BABAM2: variants seen among roughly 807,000 people sequenced by gnomAD.
BABAM2 encodes BRISC and BRCA1-A complex member 2.
In BABAM2, 31 loss-of-function variants were observed where a neutral mutation model predicts 54.7. The ratio of observed to expected loss-of-function variants is 0.57; its 90% CI spans 0.43 to 0.77. The LOEUF is 0.77. Ranked by LOEUF, BABAM2 falls within the 30% of genes least tolerant of loss-of-function variation. The pLI, the probability that BABAM2 is intolerant of heterozygous loss-of-function variation, is 0.00. For missense variants in BABAM2, 364 were observed against 455.8 expected (o/e 0.80, Z 1.83); for synonymous variants, 167 against 162.9 (o/e 1.03, Z -0.19).
At chr2:28,226,884 C>T (rs573199906) in intron 7 of BABAM2, among the ~76,000 whole-genome samples, 15 of 152,088 alleles carry the variant, frequency 9.9e-5, no homozygotes, top group African/African-American at 3.6e-4. Context: ...GGCCAATTGA[C>T]TATGGGGTGT....
At chr2:28,327,247 C>T in intron 11 of BABAM2, 1 of 1,582,510 alleles carries the variant, frequency 6.3e-7, no homozygotes, top group South Asian at 1.2e-5. Flanking sequence ...CCTCCCTTCT[C>T]CTCCTCCTTC....
At chr2:28,086,897 G>A (rs908680575) in intron 6 of BABAM2, among the ~76,000 whole-genome samples, 2 of 152,014 alleles carry the variant, frequency 1.3e-5, no homozygotes, top group South Asian at 4.1e-4. Context: ...TTCTAACTTA[G>A]GAAAAAAGAA....
chr2:27,889,910 G>T (rs1440307284), upstream of BABAM2: 2 of 243,764 alleles, frequency 8.2e-6, no homozygotes, highest in Admixed American at 1.1e-4. Flanking sequence ...AAATGACGTG[G>T]GCAAAGTTCC....
chr2:28,328,372 G>A (rs773694119), intron 11 of BABAM2, among the ~76,000 whole-genome samples: 3 of 152,164 alleles, frequency 2.0e-5, no homozygotes, highest in African/African-American at 4.8e-5. Flanking sequence ...ACTGGAAAAA[G>A]CAGTGAGCCT....
chr2:28,031,489 C>T (rs1036844467), intron 5 of BABAM2, among the ~76,000 whole-genome samples: 1 of 152,022 alleles, frequency 6.6e-6, no homozygotes, highest in African/African-American at 2.4e-5. Context: ...TAACAAGATG[C>T]ACTTTAGTAG....
At position 28,205,395 on chromosome 2, in the gene BABAM2, C is replaced by T. The variant is rs138459317; in HGVS notation, c.681-31807C>T. Among the ~76,000 whole-genome samples the T allele has an allele frequency of 7.9e-3, 1,202 of 151,412 alleles. 11 individuals are homozygous for T. The highest frequency in any genetic ancestry group is 0.027 in the African/African-American group (1,123 of 41,438). ...GCACGTGCCTGTGGTCCTAGCTACTCGGGAGGCTGAGGCAGAAGGATCACT... is the reference window on the plus strand; with the variant it reads ...GCACGTGCCTGTGGTCCTAGCTACTTGGGAGGCTGAGGCAGAAGGATCACT... On this transcript the variant is annotated intron_variant, in intron 7 of 11. Coordinates refer to ENST00000379624, the MANE Select transcript of BABAM2 (RefSeq NM_199191.3).
At chr2:28,013,113 G>T (rs1674518488) in intron 4 of BABAM2, among the ~76,000 whole-genome samples, 1 of 152,090 alleles carries the variant, frequency 6.6e-6, no homozygotes, top group South Asian at 2.1e-4. Flanking sequence ...GACATCACAG[G>T]CTTTTGAATT....
At chr2:27,926,618 T>C (rs1224152561) in intron 2 of BABAM2, among the ~76,000 whole-genome samples, 1 of 152,242 alleles carries the variant, frequency 6.6e-6, no homozygotes, top group Non-Finnish European at 1.5e-5. Context: ...TTTATGTGTT[T>C]GTCTCTTGTT....
intron 7 of BABAM2, among the ~76,000 whole-genome samples, chr2:28,222,501 G>C (rs939083088): frequency 1.3e-5 from 2 of 152,188 alleles, no homozygotes; most frequent in Admixed American, 6.5e-5. Flanking sequence ...ACCTTCACAT[G>C]CTGCAGGGGC....
intron 11 of BABAM2, among the ~76,000 whole-genome samples, chr2:28,302,493 G>A (rs1007921341): frequency 1.3e-5 from 2 of 151,870 alleles, no homozygotes; most frequent in African/African-American, 4.8e-5. Flanking sequence ...TGAATATAAT[G>A]TATTAATCCA....
At chr2:28,059,734 T>C (rs1194721282) in intron 6 of BABAM2, among the ~76,000 whole-genome samples, 2 of 152,216 alleles carry the variant, frequency 1.3e-5, no homozygotes, top group African/African-American at 4.8e-5. Context: ...AGAGGCTACA[T>C]GGTGTCATCA....
rs1444142311 is a variant in BABAM2, at chr2:28,325,019, C to T, written c.1089-13431C>T. Among the ~76,000 whole-genome samples the T allele has an allele frequency of 6.6e-6, 1 of 151,828 alleles. No homozygotes were observed. On this transcript the variant is annotated intron_variant, in intron 11 of 11. Transcript: ENST00000379624. This position sits in a 1 kb window ranked among gnomAD's most constrained non-coding sequence, Gnocchi z 4.3. ...GACTTTTTTTTTTAACCACAATCTA[C>T]AAGATATTTTACATTTGAATCCAGT...
chr2:27,991,866 A>G (rs1417866513), intron 4 of BABAM2, among the ~76,000 whole-genome samples: 1 of 152,136 alleles, frequency 6.6e-6, no homozygotes, highest in African/African-American at 2.4e-5. Flanking sequence ...TCTCTTGGAT[A>G]TATTTCTAGG....
At chr2:28,308,436 A>G in intron 11 of BABAM2, 1 of 526,794 alleles carries the variant, frequency 1.9e-6, no homozygotes, top group South Asian at 1.4e-5. Flanking sequence ...ATAGAAGACA[A>G]CAACACAACT....
intron 7 of BABAM2, among the ~76,000 whole-genome samples, chr2:28,140,654 A>T (rs1670961464): frequency 6.6e-6 from 1 of 152,194 alleles, no homozygotes; most frequent in Non-Finnish European, 1.5e-5. Flanking sequence ...TTTTTTAATC[A>T]CAACAGTATA....
intron 6 of BABAM2, among the ~76,000 whole-genome samples, chr2:28,077,832 A>G (rs2148668216): frequency 6.6e-6 from 1 of 152,284 alleles, no homozygotes; most frequent in African/African-American, 2.4e-5. Context: ...ACAATGTTGA[A>G]CATAGTTTTC....
intron 10 of BABAM2, among the ~76,000 whole-genome samples, chr2:28,255,862 C>T (rs955842228): frequency 4.6e-5 from 7 of 152,066 alleles, no homozygotes; most frequent in African/African-American, 1.4e-4. Context: ...GACAGAGTTT[C>T]ACCATGTTCC....
At chr2:28,240,244 C>T (rs951403646) in intron 8 of BABAM2, among the ~76,000 whole-genome samples, 6 of 151,982 alleles carry the variant, frequency 3.9e-5, no homozygotes, top group Non-Finnish European at 8.8e-5. Flanking sequence ...CCTCAGGCTC[C>T]CGAGTAGCTA....
chr2:28,244,643 T>G, intron 9 of BABAM2, 137 bp from the exon 10 acceptor site: 1 of 711,526 alleles, frequency 1.4e-6, no homozygotes, highest in East Asian at 2.7e-5. Flanking sequence ...CCTGCATTAA[T>G]CCTCACTTGC....
Sources: gnomAD v4.1 joint callset for allele counts (sites outside exome capture counted in the v4.1 genomes callset) on GRCh38, gnomAD v4.1.1 for gene constraint, Gnocchi (gnomAD v3.1) non-coding constraint, MANE v1.5 for transcripts, NCBI Gene and HGNC (gene_info 2026-07-23, HGNC 2026-07-21) for gene names.